TENM4: variants seen among roughly 807,000 people sequenced by gnomAD.
The protein encoded by TENM4 is teneurin-4.
A neutral mutation model predicts 243.3 loss-of-function variants in TENM4; 82 were observed. That is an observed-to-expected ratio of 0.34 (90% CI 0.28 to 0.40). The LOEUF (loss-of-function observed/expected upper bound fraction) is 0.40. TENM4 is among the 10% of genes least tolerant of loss of function. TENM4 has a pLI of 1.00. For missense variants in TENM4, 3,138 were observed against 3,673.3 expected (o/e 0.85, Z 3.77); for synonymous variants, 1,412 against 1,456.3 (o/e 0.97, Z 0.69).
At chr11:79,016,211 A>G (rs572778626) in intron 6 of TENM4, among the ~76,000 whole-genome samples, 7 of 152,288 alleles carry the variant, frequency 4.6e-5, no homozygotes, top group African/African-American at 1.7e-4. Context: ...GAGTGGCAAC[A>G]AGGAGAAATG....
chr11:79,044,679 C>T (rs1404584270), intron 6 of TENM4, among the ~76,000 whole-genome samples: 2 of 152,110 alleles, frequency 1.3e-5, no homozygotes, highest in African/African-American at 4.8e-5. Context: ...GGATAAGTCT[C>T]CTGTTTTTGT....
At chr11:78,821,911 G>A (rs954829685) in intron 12 of TENM4, among the ~76,000 whole-genome samples, 1 of 152,178 alleles carries the variant, frequency 6.6e-6, no homozygotes, top group Non-Finnish European at 1.5e-5. Context: ...ATTGGGTTAC[G>A]TTCTGTTTAC....
intron 2 of TENM4, among the ~76,000 whole-genome samples, chr11:79,224,189 T>C (rs2135245392): frequency 6.6e-6 from 1 of 152,322 alleles, no homozygotes; most frequent in African/African-American, 2.4e-5. Flanking sequence ...GGATGATTTG[T>C]ACCCAGCATG....
intron 6 of TENM4, among the ~76,000 whole-genome samples, chr11:79,058,751 G>A (rs1441843292): frequency 1.3e-5 from 2 of 152,104 alleles, no homozygotes; most frequent in Non-Finnish European, 2.9e-5. Flanking sequence ...CACAGATTCC[G>A]AGAGGCTCAG....
chr11:79,220,191 G>A (rs151319649), intron 2 of TENM4, among the ~76,000 whole-genome samples: 46 of 152,346 alleles, frequency 3.0e-4, no homozygotes, highest in Admixed American at 1.1e-3. Context: ...CTGTATCATC[G>A]CACCTGCAGC....
chr11:79,090,845 C>G (rs2137051747), intron 4 of TENM4, among the ~76,000 whole-genome samples: 3 of 152,298 alleles, frequency 2.0e-5, no homozygotes, highest in Admixed American at 2.0e-4. Context: ...CAAGATGGGT[C>G]TTTTATGGTC....
chr11:78,921,932 A>G (rs1225494106), intron 6 of TENM4, among the ~76,000 whole-genome samples: 1 of 152,180 alleles, frequency 6.6e-6, no homozygotes, highest in African/African-American at 2.4e-5. Context: ...GAATAGCACG[A>G]ATGTCATCTC....
chr11:79,371,054 T>G (rs531287763), intron 1 of TENM4, among the ~76,000 whole-genome samples: 1 of 152,220 alleles, frequency 6.6e-6, no homozygotes, highest in Admixed American at 6.5e-5. Flanking sequence ...ATACTCAAAC[T>G]TATGTAGTGT....
chr11:78,814,478 C>G (rs1372990251), intron 12 of TENM4, 83 bp from the exon 13 acceptor site: 1 of 1,162,788 alleles, frequency 8.6e-7, no homozygotes, highest in Non-Finnish European at 1.2e-6. Context: ...TTAGGTTAGC[C>G]AAGACCCACA....
intron 9 of TENM4, among the ~76,000 whole-genome samples, chr11:78,865,409 G>A (rs1318538386): frequency 6.6e-6 from 1 of 152,180 alleles, no homozygotes; most frequent in East Asian, 1.9e-4. Flanking sequence ...TGCTTGGCTA[G>A]GGCACCTCTT....
chr11:79,411,547 C>T (rs568278260), intron 1 of TENM4, among the ~76,000 whole-genome samples: 19 of 152,304 alleles, frequency 1.2e-4, no homozygotes, highest in Non-Finnish European at 2.6e-4. Context: ...CCTGGCCTTG[C>T]GCTGCAGCCT....
At chr11:78,804,297 C>A (rs1003279890) in intron 15 of TENM4, among the ~76,000 whole-genome samples, 2 of 152,162 alleles carry the variant, frequency 1.3e-5, no homozygotes, top group African/African-American at 4.8e-5. Flanking sequence ...CCTCCCCTTT[C>A]CCAGAATGCA....
At chr11:78,763,385 GA>G (rs1461080811) in intron 18 of TENM4, among the ~76,000 whole-genome samples, 4 of 151,762 alleles carry the variant, frequency 2.6e-5, no homozygotes, top group African/African-American at 4.8e-5. Context: ...AGAAAAGGGG[GA>G]AAAAAAGAAG....
chr11:79,216,535 T>C (rs1864053944), intron 2 of TENM4, among the ~76,000 whole-genome samples: 1 of 152,214 alleles, frequency 6.6e-6, no homozygotes, highest in Non-Finnish European at 1.5e-5. Flanking sequence ...GTGGTAGTGT[T>C]GGGAGGTAGG....
intron 6 of TENM4, chr11:78,903,772 T>C: frequency 1.4e-6 from 1 of 711,126 alleles, no homozygotes; most frequent in Non-Finnish European, 2.5e-6. Flanking sequence ...AGCAGGGGAG[T>C]GAAACAATAA....
intron 28 of TENM4, among the ~76,000 whole-genome samples, chr11:78,688,615 G>A (rs1858742949): frequency 6.6e-6 from 1 of 152,134 alleles, no homozygotes; most frequent in Non-Finnish European, 1.5e-5. Context: ...AAATGATGTA[G>A]TCAAGCTTGA....
chr11:78,922,992 T>C (rs946095899), intron 6 of TENM4, among the ~76,000 whole-genome samples: 3 of 152,182 alleles, frequency 2.0e-5, no homozygotes, highest in African/African-American at 7.2e-5. Flanking sequence ...CAAATGTTTT[T>C]TTCCTGGAGT....
intron 4 of TENM4, among the ~76,000 whole-genome samples, chr11:79,108,271 A>T (rs548571806): frequency 6.6e-6 from 1 of 152,308 alleles, no homozygotes; most frequent in Non-Finnish European, 1.5e-5. Flanking sequence ...ATGACTTGAT[A>T]ATACGAGTGG....
intron 1 of TENM4, among the ~76,000 whole-genome samples, chr11:79,379,944 G>T (rs1215488794): frequency 6.6e-6 from 1 of 152,140 alleles, no homozygotes; most frequent in East Asian, 1.9e-4. Context: ...GGGATCAAGA[G>T]CTCTGCTTTA....
Sources: gnomAD v4.1 joint callset for allele counts (sites outside exome capture counted in the v4.1 genomes callset) on GRCh38, gnomAD v4.1.1 for gene constraint, MANE v1.5 for transcripts, NCBI Gene and HGNC (gene_info 2026-07-23, HGNC 2026-07-21) for gene names.